Variants in GABPB2 observed in about 807,000 individuals in gnomAD.
GABPB2 encodes the protein GA-binding protein subunit beta-2.
In GABPB2, 23 loss-of-function variants were observed where a neutral mutation model predicts 39.1. The observed-to-expected ratio is 0.59, with a 90% CI of 0.42 to 0.83. GABPB2 has a LOEUF of 0.83. Ranked by LOEUF, GABPB2 falls within the 40% of genes least tolerant of loss-of-function variation. The pLI is 0.00. For missense variants in GABPB2, 467 were observed against 541.1 expected (o/e 0.86, Z 1.36); for synonymous variants, 184 against 199.3 (o/e 0.92, Z 0.65).
At chr1:151,112,145 A>C (rs1680484855) in intron 7 of GABPB2, 1 of 124,852 alleles carries the variant, frequency 8.0e-6, no homozygotes, top group South Asian at 3.0e-4. Flanking sequence ...AATGGCATGA[A>C]CCCGGGAGGT....
At chr1:151,116,574 C>T (rs1184712077) in intron 7 of GABPB2, among the ~76,000 whole-genome samples, 1 of 151,840 alleles carries the variant, frequency 6.6e-6, no homozygotes, top group Non-Finnish European at 1.5e-5. Context: ...AGACTTCAGG[C>T]CTTCTTTTGA....
At chr1:151,088,108 G>T in intron 1 of GABPB2, 82 bp from the exon 2 acceptor site, 1 of 913,320 alleles carries the variant, frequency 1.1e-6, no homozygotes, top group East Asian at 2.5e-5. Flanking sequence ...TCAAATATAA[G>T]AAGTCTTCTA....
chr1:151,100,143 C>CTTTTT (rs587754459), intron 5 of GABPB2, among the ~76,000 whole-genome samples: 1 of 138,852 alleles, frequency 7.2e-6, no homozygotes, highest in African/African-American at 2.7e-5. Context: ...ATTAAAACAA[C>CTTTTT]TTTTTTTTTT....
At chr1:151,080,004 C>A (rs1677515697) in intron 1 of GABPB2, among the ~76,000 whole-genome samples, 1 of 151,906 alleles carries the variant, frequency 6.6e-6, no homozygotes. Flanking sequence ...ATCGCGAGGT[C>A]AGGAGTTCAA....
At chr1:151,088,069 A>C (rs1024112669) in intron 1 of GABPB2, 121 bp from the exon 2 acceptor site, 4 of 650,236 alleles carry the variant, frequency 6.2e-6, no homozygotes, top group Middle Eastern at 5.4e-4. Flanking sequence ...CCTACCAGAC[A>C]GTCAACTTGA....
intron 3 of GABPB2, among the ~76,000 whole-genome samples, chr1:151,091,297 A>G (rs902011427): frequency 2.0e-5 from 3 of 151,356 alleles, no homozygotes; most frequent in Non-Finnish European, 4.4e-5. Flanking sequence ...CATGTTGCCC[A>G]GGCTGGTCTC....
rs1284112497 is a variant in GABPB2, at chr1:151,119,936, GGAAATT to G, written c.*1686_*1691del. On this transcript the variant is annotated 3_prime_UTR_variant, in exon 9 of 9. Coordinates refer to ENST00000368918, the MANE Select transcript of GABPB2 (RefSeq NM_144618.3). Reference sequence around the variant, plus strand: ...ACTCTGTCTCAAAAAAAAAAAAAAAGGAAATTGAAATAGAGTTTTTAAAAACTGAAC... The same window carrying G: ...ACTCTGTCTCAAAAAAAAAAAAAAAGGAAATAGAGTTTTTAAAAACTGAAC... 1 of 147,872 alleles carries G rather than the reference GGAAATT, an allele frequency of 6.8e-6. No homozygotes were observed. The highest frequency in any genetic ancestry group is 1.5e-5 in the Non-Finnish European group (1 of 67,070). The allele number at this position is 147,872 out of a possible 1,614,324, so 9.2% of individuals were successfully genotyped here. A position where few individuals can be genotyped will look rare whatever the true frequency, so the allele number is the denominator to read the frequency against.
At chr1:151,094,130 C>T (rs1319675231) in intron 4 of GABPB2, among the ~76,000 whole-genome samples, 1 of 143,776 alleles carries the variant, frequency 7.0e-6, no homozygotes, top group Non-Finnish European at 1.5e-5. Flanking sequence ...CAGCTCACTG[C>T]AGCCTCCATT....
At chr1:151,091,465 CAAAAAAAAAAAA>C (rs34351787) in intron 3 of GABPB2, among the ~76,000 whole-genome samples, 2 of 73,454 alleles carry the variant, frequency 2.7e-5, no homozygotes, top group East Asian at 8.8e-4. Flanking sequence ...TCCTGTGTCT[CAAAAAAAAAAAA>C]AAAAAAAAAA....
At chr1:151,099,907 A>G (rs1679383200) in intron 5 of GABPB2, among the ~76,000 whole-genome samples, 1 of 152,216 alleles carries the variant, frequency 6.6e-6, no homozygotes, top group Admixed American at 6.6e-5. Context: ...ATTTTATAGT[A>G]GGGCTTCAAT....
At chr1:151,100,430 AC>A (rs1360893842) in intron 5 of GABPB2, among the ~76,000 whole-genome samples, 3 of 151,480 alleles carry the variant, frequency 2.0e-5, no homozygotes, top group Non-Finnish European at 4.4e-5. Flanking sequence ...GGCGCCTGCC[AC>A]CACACCCAGC....
chr1:151,117,868 G>A (rs1680999692), intron 8 of GABPB2, 89 bp from the exon 9 acceptor site: 1 of 1,268,576 alleles, frequency 7.9e-7, no homozygotes, highest in Non-Finnish European at 1.1e-6. Flanking sequence ...ATAGGTGTGA[G>A]GCACCGCTCC....
At chr1:151,076,918 C>T (rs899249102) in intron 1 of GABPB2, among the ~76,000 whole-genome samples, 2 of 151,342 alleles carry the variant, frequency 1.3e-5, no homozygotes, top group South Asian at 4.2e-4. Context: ...CTCAGCCTCC[C>T]GAGTAGCTGG....
intron 5 of GABPB2, among the ~76,000 whole-genome samples, chr1:151,098,534 A>AT (rs1679281271): frequency 6.6e-6 from 1 of 151,886 alleles, no homozygotes; most frequent in African/African-American, 2.4e-5. Flanking sequence ...TATTGTACAG[A>AT]TTAATCTATT....
rs587635012 is a variant in GABPB2 at position 151,124,273 on chromosome 1, T to G, written c.*6017T>G. On this transcript the variant is annotated 3_prime_UTR_variant, in exon 9 of 9. Coordinates refer to ENST00000368918, the MANE Select transcript of GABPB2 (RefSeq NM_144618.3). ...GTCTCCCGGGTTCAAGCGATTCTTC[T>G]GCCTCAGCCTCTGAAGTAGCTGGGA... 19 of 151,520 alleles carry G rather than the reference T, an allele frequency of 1.3e-4. No homozygotes were observed. Among genetic ancestry groups the G allele is most frequent in the African/African-American group, 4.6e-4 (19 of 41,328 alleles). 9.4% of individuals were successfully genotyped at this position (151,520 alleles called of 1,614,324 possible).
At chr1:151,086,673 T>TAA (rs1678223984) in intron 1 of GABPB2, among the ~76,000 whole-genome samples, 1 of 15,772 alleles carries the variant, frequency 6.3e-5, no homozygotes, top group Non-Finnish European at 3.0e-4. Flanking sequence ...GTTCTTAATT[T>TAA]TTTTTTTTTT....
At chr1:151,081,152 C>T (rs61819200) in intron 1 of GABPB2, among the ~76,000 whole-genome samples, 148,056 of 151,278 alleles carry the variant, frequency 0.98, 72,518 homozygotes, top group East Asian at 1. Flanking sequence ...GGATTACAGG[C>T]ATGAGCCACC....
At chr1:151,075,512 C>T (rs1444584273) in intron 1 of GABPB2, among the ~76,000 whole-genome samples, 16 of 140,834 alleles carry the variant, frequency 1.1e-4, no homozygotes, top group Admixed American at 9.6e-4. Context: ...TGCAGTGAGC[C>T]GAGATTGTGC....
chr1:151,090,393 T>A lies in GABPB2; in HGVS notation c.109-13T>A, dbSNP rs767367732. The A allele has an allele frequency of 8.1e-6, 13 of 1,613,014 alleles. No homozygotes were observed. Among genetic ancestry groups the A allele is most frequent in the Admixed American group, 1.7e-5 (1 of 59,934 alleles). Reference sequence around the variant, plus strand: ...CACACAGTGGATATTCAATGAGCATTATTTTTCCACAGCTTGGAACATCAC... The same window carrying A: ...CACACAGTGGATATTCAATGAGCATAATTTTTCCACAGCTTGGAACATCAC... On this transcript the variant is annotated splice_polypyrimidine_tract_variant and intron_variant, in intron 2 of 8. Coordinates refer to ENST00000368918, the MANE Select transcript of GABPB2 (RefSeq NM_144618.3).
Sources: gnomAD v4.1 joint callset for allele counts (sites outside exome capture counted in the v4.1 genomes callset) on GRCh38, gnomAD v4.1.1 for gene constraint, MANE v1.5 for transcripts, NCBI Gene and HGNC (gene_info 2026-07-23, HGNC 2026-07-21) for gene names.